Variants in AGBL1 observed in about 807,000 individuals in gnomAD.
AGBL1 encodes AGBL carboxypeptidase 1.
A neutral mutation model predicts 118.9 loss-of-function variants in AGBL1; 130 were observed. That is an observed-to-expected ratio of 1.09 (90% CI 0.95 to 1.26). AGBL1 has a LOEUF of 1.26. Ranked by LOEUF, AGBL1 falls within the 50% of genes most tolerant of loss-of-function variation. The pLI is 0.00. For synonymous variants in AGBL1, 555 were observed against 478.9 expected (o/e 1.16, Z -2.08); for missense variants, 1,584 against 1,298.1 (o/e 1.22, Z -3.38).
chr15:86,765,774 G>T (rs1462331188), intron 22 of AGBL1, among the ~76,000 whole-genome samples: 1 of 151,828 alleles, frequency 6.6e-6, no homozygotes, highest in Non-Finnish European at 1.5e-5. Flanking sequence ...ATCTGAAGAA[G>T]AAAGATACCT....
intron 1 of AGBL1, among the ~76,000 whole-genome samples, chr15:86,111,449 G>T (rs1000644365): frequency 6.6e-6 from 1 of 152,182 alleles, no homozygotes; most frequent in Non-Finnish European, 1.5e-5. Context: ...TGGAATTTGG[G>T]TGTCAAGGTA....
chr15:86,584,151 G>A (rs1227421759), intron 21 of AGBL1, among the ~76,000 whole-genome samples: 2 of 152,102 alleles, frequency 1.3e-5, no homozygotes, highest in Non-Finnish European at 1.5e-5. Flanking sequence ...TGACTCTTTT[G>A]ATAGTTTCTT....
At chr15:87,027,817 G>T (rs2081748196) in intron 24 of AGBL1, among the ~76,000 whole-genome samples, 1 of 151,950 alleles carries the variant, frequency 6.6e-6, no homozygotes, top group Non-Finnish European at 1.5e-5. Flanking sequence ...TCACTTACAA[G>T]TGGGAGCTGA....
intron 22 of AGBL1, among the ~76,000 whole-genome samples, chr15:86,724,483 G>A (rs2086789503): frequency 6.6e-6 from 1 of 152,064 alleles, no homozygotes; most frequent in South Asian, 2.1e-4. Context: ...TGGATGAATA[G>A]CAATAGTGAA....
At chr15:87,007,597 A>G (rs1348643967) in intron 24 of AGBL1, among the ~76,000 whole-genome samples, 1 of 152,224 alleles carries the variant, frequency 6.6e-6, no homozygotes, top group Admixed American at 6.5e-5. Context: ...GTTTTAGTTG[A>G]GAGATAACTA....
intron 18 of AGBL1, among the ~76,000 whole-genome samples, chr15:86,510,820 A>G (rs985775734): frequency 6.6e-6 from 1 of 152,114 alleles, no homozygotes; most frequent in Non-Finnish European, 1.5e-5. Flanking sequence ...TGTCCAGAGA[A>G]AAAATATTCT....
intron 22 of AGBL1, among the ~76,000 whole-genome samples, chr15:86,906,423 C>CACAA (rs553886230): frequency 0.011 from 1,742 of 152,298 alleles, 35 homozygotes; most frequent in African/African-American, 0.04. Context: ...AGTGGGAAAG[C>CACAA]ACAAACACTG....
intron 22 of AGBL1, among the ~76,000 whole-genome samples, chr15:86,804,720 T>A (rs1177306753): frequency 6.6e-6 from 1 of 152,086 alleles, no homozygotes; most frequent in East Asian, 1.9e-4. Flanking sequence ...GAAGGTATAA[T>A]GAGGGATGGG....
At chr15:87,004,721 T>G (rs942133687) in intron 24 of AGBL1, among the ~76,000 whole-genome samples, 1 of 152,224 alleles carries the variant, frequency 6.6e-6, no homozygotes, top group Non-Finnish European at 1.5e-5. Context: ...GTGAATTTGA[T>G]CCTGTCATTA....
chr15:86,272,601 C>T (rs2079179946), intron 15 of AGBL1, among the ~76,000 whole-genome samples: 1 of 152,150 alleles, frequency 6.6e-6, no homozygotes, highest in African/African-American at 2.4e-5. Context: ...TACCCTTATG[C>T]CTCTTGGCTT....
rs2080408707 is a variant in AGBL1 at position 86,915,501 on chromosome 15, C to T, written c.*8207C>T. The T allele has an allele frequency of 6.6e-6, 1 of 152,124 alleles. No individual in the cohort carries two copies. The highest frequency in any genetic ancestry group is 1.5e-5 in the Non-Finnish European group (1 of 68,040). The allele number at this position is 152,124 out of a possible 1,614,324, so 9.4% of individuals were successfully genotyped here. On this transcript the variant is annotated 3_prime_UTR_variant, in exon 23 of 23. Transcript: ENST00000614907. ...CTTCCATCCATGTGCCTAGATCTATCCATTATGTGCTTAAATGTAGGCTCC... is the reference window on the plus strand; with the variant it reads ...CTTCCATCCATGTGCCTAGATCTATTCATTATGTGCTTAAATGTAGGCTCC...
At chr15:86,738,667 A>G (rs1289390877) in intron 22 of AGBL1, among the ~76,000 whole-genome samples, 2 of 152,224 alleles carry the variant, frequency 1.3e-5, no homozygotes, top group Non-Finnish European at 2.9e-5. Flanking sequence ...CTCATGTGAC[A>G]TGAAATGGGG....
chr15:86,140,340 C>T (rs1420213552), intron 1 of AGBL1: 1 of 151,568 alleles, frequency 6.6e-6, no homozygotes, highest in Non-Finnish European at 1.5e-5. Flanking sequence ...CTTTAAGACC[C>T]TGGGGAGGCT....
At chr15:86,410,807 G>GATAGAT (rs1555481487) in intron 18 of AGBL1, among the ~76,000 whole-genome samples, 3 of 40,398 alleles carry the variant, frequency 7.4e-5, no homozygotes, top group Non-Finnish European at 1.3e-4. Flanking sequence ...GTCAAATGTA[G>GATAGAT]ATATATATAT....
intron 17 of AGBL1, among the ~76,000 whole-genome samples, chr15:86,335,091 A>G (rs1235845603): frequency 6.6e-6 from 1 of 152,210 alleles, no homozygotes. Flanking sequence ...TAGAGAAAGA[A>G]ATGGATACCA....
At chr15:86,381,696 G>C (rs563750811) in intron 17 of AGBL1, among the ~76,000 whole-genome samples, 1 of 152,162 alleles carries the variant, frequency 6.6e-6, no homozygotes, top group Non-Finnish European at 1.5e-5. Flanking sequence ...GAAACACGAC[G>C]TAACCAGAAG....
At chr15:86,968,722 A>T (rs557728849) in intron 23 of AGBL1, among the ~76,000 whole-genome samples, 2 of 151,890 alleles carry the variant, frequency 1.3e-5, no homozygotes, top group South Asian at 4.1e-4. Context: ...AGGCTGCTAT[A>T]ACAAAATGGC....
At chr15:86,978,114 C>A (rs1263155224) in intron 23 of AGBL1, among the ~76,000 whole-genome samples, 1 of 152,108 alleles carries the variant, frequency 6.6e-6, no homozygotes, top group Non-Finnish European at 1.5e-5. Flanking sequence ...GTAATTCCAT[C>A]AGCCAAATTC....
intron 21 of AGBL1, among the ~76,000 whole-genome samples, chr15:86,610,968 A>C (rs1234919599): frequency 2.0e-5 from 3 of 152,216 alleles, no homozygotes; most frequent in African/African-American, 7.2e-5. Context: ...GATCCACTTC[A>C]GACCTGCTGA....
Sources: allele counts gnomAD v4.1 joint callset (sites outside exome capture counted in the v4.1 genomes callset), GRCh38; gene constraint gnomAD v4.1.1; transcripts MANE v1.5; gene names NCBI Gene and HGNC (gene_info 2026-07-23, HGNC 2026-07-21).